The following IL17REL variants were observed in gnomAD, a reference collection of about 807,000 sequenced individuals.
The protein encoded by IL17REL is interleukin-17 receptor E-like protein.
IL17REL carries 36 observed loss-of-function variants against 49.0 expected under a neutral mutation model. The ratio of observed to expected loss-of-function variants is 0.73; its 90% confidence interval spans 0.56 to 0.97. The LOEUF is 0.97. Among genes scored for constraint, IL17REL ranks in the 50% least tolerant of loss-of-function variants. IL17REL has a pLI of 0.00. For missense variants in IL17REL, 470 were observed against 453.9 expected (o/e 1.04, Z -0.32); for synonymous variants, 206 against 192.4 (o/e 1.07, Z -0.58).
rs1347324434 is a variant in IL17REL at position 49,998,230 on chromosome 22, G to A, written c.681C>T (p.Cys227=). 3.7e-6 allele frequency: 6 copies of A among 1,612,564 alleles called. No homozygotes were observed. The South Asian group carries it at 4.4e-5, about 12-fold the overall frequency. ...ACAGGCTCACATGGCCACTCACAGGGCAGGCGGGCTCCCAGCTCAGTGTCT... is the reference window on the plus strand; with the variant it reads ...ACAGGCTCACATGGCCACTCACAGGACAGGCGGGCTCCCAGCTCAGTGTCT... Residue 227 remains cysteine, a synonymous_variant, in exon 8 of 13, where the codon TGC becomes TGT. Coordinates refer to ENST00000341280, the Ensembl canonical transcript of IL17REL.
At chr22:49,999,730 G>T in intron 5 of IL17REL, 98 bp downstream of exon 7, 1 of 761,192 alleles carries the variant, frequency 1.3e-6, no homozygotes. Context: ...GGGGGTGGGC[G>T]GGGCGCGGGG....
chr22:49,999,510 C>T lies in IL17REL; in HGVS notation c.475-8G>A. The T allele has an allele frequency of 6.3e-7, 1 of 1,599,596 alleles. No homozygotes were observed. Among genetic ancestry groups the T allele is most frequent in the Non-Finnish European group, 8.5e-7 (1 of 1,175,800 alleles). On this transcript the variant is annotated splice_region_variant and splice_polypyrimidine_tract_variant and intron_variant, in intron 5 of 12. Transcript: ENST00000341280. ...GACGCTGTTGGCGGTCACCTGCAAC[C>T]CAGAAAGGGCGGCTGAGGGGCCGCG...
chr22:49,998,332 A>G, intron 7 of IL17REL, 23 bp from the exon 10 acceptor site: 1 of 1,580,022 alleles, frequency 6.3e-7, no homozygotes, highest in South Asian at 1.2e-5. Flanking sequence ...TCCCCGAAAC[A>G]CAGGTCAGTT....
chr22:49,997,272 G>T, intron 11 of IL17REL, 48 bp downstream of exon 13: 1 of 1,570,040 alleles, frequency 6.4e-7, no homozygotes, highest in African/African-American at 1.3e-5. Flanking sequence ...GGGTCCTGCC[G>T]CCACCACCCC....
intron 1 of IL17REL, among the ~76,000 whole-genome samples, chr22:50,005,540 G>A (rs903942397): frequency 2.6e-5 from 4 of 152,114 alleles, no homozygotes; most frequent in Admixed American, 6.6e-5. Flanking sequence ...GGTGGCTCAC[G>A]CCTGTAATCC....
At chr22:50,006,806 T>G (rs984634416) in intron 1 of IL17REL, among the ~76,000 whole-genome samples, 1 of 151,684 alleles carries the variant, frequency 6.6e-6, no homozygotes, top group Admixed American at 6.6e-5. Flanking sequence ...ACACAAAAAA[T>G]TACCCAGGCA....
intron 1 of IL17REL, among the ~76,000 whole-genome samples, chr22:50,004,362 G>A (rs1232115101): frequency 6.6e-6 from 1 of 152,136 alleles, no homozygotes; most frequent in African/African-American, 2.4e-5. Context: ...CTATATACTA[G>A]CAAAGAATAA....
chr22:50,011,679 C>T (rs746305554), upstream of IL17REL, among the ~76,000 whole-genome samples: 8 of 152,110 alleles, frequency 5.3e-5, no homozygotes, highest in African/African-American at 1.7e-4. Context: ...CCGGTTCCCA[C>T]GCATCCCAGC....
chr22:49,999,486 A>G (rs1248868861), exon 6 of IL17REL: 1 of 1,598,590 alleles, frequency 6.3e-7, no homozygotes. Flanking sequence ...GGCCTGGGAG[A>G]CGCTGTTGGC....
chr22:50,007,553 G>T (rs1005124189), intron 1 of IL17REL, among the ~76,000 whole-genome samples: 1 of 151,816 alleles, frequency 6.6e-6, no homozygotes, highest in Non-Finnish European at 1.5e-5. Context: ...TTGGGGGGGG[G>T]ATTCTTAGTA....
At chr22:50,011,388 G>A (rs951047966), upstream of IL17REL, among the ~76,000 whole-genome samples, 1 of 151,866 alleles carries the variant, frequency 6.6e-6, no homozygotes, top group South Asian at 2.1e-4. Context: ...CGTGGACAGC[G>A]CGGTCACACC....
intron 1 of IL17REL, among the ~76,000 whole-genome samples, chr22:50,008,378 A>G (rs1406759784): frequency 6.6e-6 from 1 of 152,152 alleles, no homozygotes; most frequent in Non-Finnish European, 1.5e-5. Context: ...GAACGCAACG[A>G]GGCATTGTGC....
chr22:49,999,351 G>A lies in IL17REL; in HGVS notation c.547-6C>T. The A allele has an allele frequency of 2.5e-6, 4 of 1,612,932 alleles. No homozygotes were observed. Among genetic ancestry groups the A allele is most frequent in the African/African-American group, 1.3e-5 (1 of 75,038 alleles). ...TCAGGGGTCGCAGACCAGCCCTGTG[G>A]GAGGGGCTGGGGTCAGCGCAGCCCA... On this transcript the variant is annotated splice_region_variant and splice_polypyrimidine_tract_variant and intron_variant, in intron 6 of 12. Coordinates refer to ENST00000341280, the Ensembl canonical transcript of IL17REL.
intron 1 of IL17REL, among the ~76,000 whole-genome samples, chr22:50,005,587 G>A (rs561994206): frequency 7.9e-5 from 12 of 152,052 alleles, no homozygotes; most frequent in African/African-American, 2.7e-4. Flanking sequence ...GGATCACTTC[G>A]GGTCAGGAGT....
At chr22:49,994,811 G>T (rs376514938) in exon 13 of IL17REL, 1 of 152,500 alleles carries the variant, frequency 6.6e-6, no homozygotes, top group African/African-American at 2.4e-5. Context: ...GAGAGCCTAC[G>T]TGACCCACAC....
chr22:50,004,923 G>A (rs1195517529), intron 1 of IL17REL, among the ~76,000 whole-genome samples: 2 of 83,462 alleles, frequency 2.4e-5, no homozygotes, highest in East Asian at 3.4e-4. Context: ...CTAGAAAAAA[G>A]ACAAAGACTT....
At chr22:49,997,810 G>C in intron 9 of IL17REL, 68 bp from the exon 12 acceptor site, 1 of 1,517,722 alleles carries the variant, frequency 6.6e-7, no homozygotes, top group Non-Finnish European at 9.1e-7. Context: ...ACAGGGGCAG[G>C]GACAGGGACA....
At chr22:49,999,197 C>A in intron 7 of IL17REL, 94 bp downstream of exon 9, 1 of 1,470,684 alleles carries the variant, frequency 6.8e-7, no homozygotes. Context: ...GGGCCTGCTC[C>A]TTATCTCATC....
At chr22:50,001,001 A>G (rs137845) in intron 2 of IL17REL, 81 bp downstream of exon 3, 691,746 of 1,296,874 alleles carry the variant, frequency 0.53, 188,568 homozygotes, top group South Asian at 0.77. Flanking sequence ...AGGCCGCCCA[A>G]GGTTTGATGG....
Sources: gnomAD v4.1 joint callset for allele counts (sites outside exome capture counted in the v4.1 genomes callset) on GRCh38, gnomAD v4.1.1 for gene constraint, MANE v1.5 for transcripts, NCBI Gene and HGNC (gene_info 2026-07-23, HGNC 2026-07-21) for gene names.